KIAA1549: variants seen among roughly 807,000 people sequenced by gnomAD.
KIAA1549 encodes the protein UPF0606 protein KIAA1549.
In KIAA1549, 70 loss-of-function variants were observed where a neutral mutation model predicts 156.4. That is an observed-to-expected ratio of 0.45 (90% confidence interval 0.37 to 0.55). The LOEUF is 0.55. KIAA1549 is among the 20% of genes least tolerant of loss of function. The pLI is 0.00. For synonymous variants in KIAA1549, 1,103 were observed against 1,066.4 expected, an observed-to-expected ratio of 1.03 and a Z score of -0.67; for missense variants, 2,428 against 2,540.9, an observed-to-expected ratio of 0.96 and a Z score of 0.96.
intron 1 of KIAA1549, among the ~76,000 whole-genome samples, chr7:138,948,876 G>C (rs138758124): frequency 2.0e-5 from 3 of 151,800 alleles, no homozygotes; most frequent in Non-Finnish European, 1.5e-5. Context: ...CTAATTTTTT[G>C]TATTTTTAGT....
At chr7:138,952,197 T>C (rs1813521563) in intron 1 of KIAA1549, among the ~76,000 whole-genome samples, 1 of 152,220 alleles carries the variant, frequency 6.6e-6, no homozygotes, top group Non-Finnish European at 1.5e-5. Flanking sequence ...ATTTCAAAAC[T>C]TCCCAGGTGA....
At chr7:138,928,974 G>A (rs1258596686) in intron 1 of KIAA1549, among the ~76,000 whole-genome samples, 1 of 152,198 alleles carries the variant, frequency 6.6e-6, no homozygotes, top group Non-Finnish European at 1.5e-5. Flanking sequence ...GCTAACAATT[G>A]TCTAAGCCTT....
At chr7:138,914,373 G>A (rs1812255760) in intron 2 of KIAA1549, among the ~76,000 whole-genome samples, 1 of 152,194 alleles carries the variant, frequency 6.6e-6, no homozygotes, top group Non-Finnish European at 1.5e-5. Flanking sequence ...GAAGAGAGGT[G>A]ACAGAGACTT....
intron 10 of KIAA1549, among the ~76,000 whole-genome samples, chr7:138,887,485 T>C (rs1472148960): frequency 6.6e-6 from 1 of 152,144 alleles, no homozygotes; most frequent in Non-Finnish European, 1.5e-5. Flanking sequence ...TCATTCCAGA[T>C]GCACACCTCT....
intron 7 of KIAA1549, 100 bp downstream of exon 7, chr7:138,904,922 C>T: frequency 1.4e-6 from 1 of 725,842 alleles, no homozygotes; most frequent in Non-Finnish European, 2.3e-6. Flanking sequence ...GTACATTTTG[C>T]CCTAAATTTA....
In KIAA1549 at chr7:138,909,771, A is replaced by AC. The variant is rs769922926; in HGVS notation, c.3146-651dup. ...AAACCAGCCTGGCCAACATGGTGAA[A>AC]CCCCATCTCTACTAAAAATACAAAA... On this transcript the variant is annotated intron_variant, in intron 4 of 19. Transcript: ENST00000422774. Among the ~76,000 whole-genome samples, 20 of 152,094 alleles carry AC rather than the reference A, an allele frequency of 1.3e-4. No individual in the cohort carries two copies. The East Asian group carries it at 1.5e-3, about 12-fold the overall frequency.
rs1038301293 is a variant in KIAA1549, at chr7:138,837,384, CCAAA to C, written c.*518_*521del. The C allele has an allele frequency of 1.3e-3, 293 of 229,630 alleles. 2 individuals carry two copies. Among genetic ancestry groups the C allele is most frequent in the African/African-American group, 6.0e-3 (271 of 45,182 alleles). 14.2% of individuals were successfully genotyped at this position (229,630 alleles called of 1,614,324 possible). On this transcript the variant is annotated 3_prime_UTR_variant, in exon 20 of 20. Coordinates refer to ENST00000422774, the MANE Select transcript of KIAA1549 (RefSeq NM_001164665.2). ...TCTCACTAGTAGCTTTTTAAAATTCCCAAACAGTCTTAGTATTCTTGTTGTTAAT... is the reference window on the plus strand; with the variant it reads ...TCTCACTAGTAGCTTTTTAAAATTCCCAGTCTTAGTATTCTTGTTGTTAAT...
chr7:138,871,087 G>T, intron 13 of KIAA1549, 70 bp downstream of exon 13: 1 of 1,457,834 alleles, frequency 6.9e-7, no homozygotes. Flanking sequence ...CAAGTGCTGG[G>T]ATTACAGGCA....
intron 15 of KIAA1549, among the ~76,000 whole-genome samples, chr7:138,864,566 G>C (rs1810679615): frequency 1.3e-5 from 2 of 152,158 alleles, no homozygotes; most frequent in Admixed American, 1.3e-4. Flanking sequence ...TTCACACATA[G>C]ATGTGTTCAG....
intron 1 of KIAA1549, among the ~76,000 whole-genome samples, chr7:138,935,338 A>T (rs558499707): frequency 6.6e-6 from 1 of 152,362 alleles, no homozygotes; most frequent in Admixed American, 6.5e-5. Context: ...AGTATTTACC[A>T]AAAGATATTC....
chr7:138,848,887 A>T (rs1810157000), intron 17 of KIAA1549, among the ~76,000 whole-genome samples: 1 of 152,082 alleles, frequency 6.6e-6, no homozygotes. Flanking sequence ...TCTTTCTAGG[A>T]ATTTTTCCAT....
In KIAA1549 at chr7:138,916,635, T is replaced by C. The variant is rs184793420; in HGVS notation, c.2878+113A>G. The C allele has an allele frequency of 2.0e-5, 30 of 1,491,948 alleles. 2 individuals carry two copies. The highest frequency in any genetic ancestry group is 4.9e-5 in the East Asian group (2 of 40,804). 92.4% of individuals were successfully genotyped at this position (1,491,948 alleles called of 1,614,324 possible). A position where few individuals can be genotyped will look rare whatever the true frequency, so the allele number is the denominator to read the frequency against. On this transcript the variant is annotated intron_variant, in intron 2 of 19. Coordinates refer to ENST00000422774, the MANE Select transcript of KIAA1549 (RefSeq NM_001164665.2). ...ATAGGAGTACTACCTGGGAGTTAACTGAGCCCAGCGCCTCTGCTCTTAACC... is the reference window on the plus strand; with the variant it reads ...ATAGGAGTACTACCTGGGAGTTAACCGAGCCCAGCGCCTCTGCTCTTAACC...
chr7:138,967,206 G>A (rs545171111), intron 1 of KIAA1549, among the ~76,000 whole-genome samples: 57 of 152,184 alleles, frequency 3.7e-4, no homozygotes, highest in Admixed American at 5.9e-4. Context: ...GTCAGCCCTG[G>A]TGGGGACTAC....
At position 138,837,652 on chromosome 7, in the gene KIAA1549, G is replaced by A. The variant is rs1809760052; in HGVS notation, c.*254C>T. 1.8e-6 allele frequency: 1 copy of A among 559,494 alleles called. No homozygotes were observed. Among genetic ancestry groups the A allele is most frequent in the Non-Finnish European group, 3.1e-6 (1 of 319,144 alleles). 34.7% of individuals were successfully genotyped at this position (559,494 alleles called of 1,614,324 possible). ...GCTTAGGTTTGTGTTTTGTTTTTGT[G>A]AAGTGCTGCTGGCTTTTGGCCAAAA... On this transcript the variant is annotated 3_prime_UTR_variant, in exon 20 of 20. Coordinates refer to ENST00000422774, the MANE Select transcript of KIAA1549 (RefSeq NM_001164665.2).
chr7:138,862,788 G>T (rs1810625637), intron 15 of KIAA1549, among the ~76,000 whole-genome samples: 2 of 152,086 alleles, frequency 1.3e-5, no homozygotes, highest in African/African-American at 4.8e-5. Flanking sequence ...AAAATTAGCT[G>T]GGCGTAGTGT....
At chr7:138,879,478 C>T (rs1006191332) in intron 12 of KIAA1549, 60 bp downstream of exon 12, 56 of 995,336 alleles carry the variant, frequency 5.6e-5, no homozygotes, top group Admixed American at 4.2e-4. Context: ...CTGTAAGGCC[C>T]CAGCCTTTGG....
chr7:138,943,797 T>C (rs1339062348), intron 1 of KIAA1549, among the ~76,000 whole-genome samples: 2 of 151,390 alleles, frequency 1.3e-5, no homozygotes, highest in Non-Finnish European at 2.9e-5. Context: ...TGCAGTGAGC[T>C]GAGATCGCAC....
intron 1 of KIAA1549, among the ~76,000 whole-genome samples, chr7:138,922,705 A>G (rs897005615): frequency 6.6e-6 from 1 of 152,012 alleles, no homozygotes; most frequent in African/African-American, 2.4e-5. Context: ...ACTGGGGGAT[A>G]GGTCTGAAGA....
intron 15 of KIAA1549, among the ~76,000 whole-genome samples, chr7:138,862,099 T>TCCCTAGC (rs1810602134): frequency 6.6e-6 from 1 of 152,162 alleles, no homozygotes; most frequent in Non-Finnish European, 1.5e-5. Flanking sequence ...TAGTAAATTT[T>TCCCTAGC]CCCTAGCTAG....
Sources: gnomAD v4.1 joint callset for allele counts (sites outside exome capture counted in the v4.1 genomes callset) on GRCh38, gnomAD v4.1.1 for gene constraint, MANE v1.5 for transcripts, NCBI Gene and HGNC (gene_info 2026-07-23, HGNC 2026-07-21) for gene names.